The following GRM8 variants were observed in gnomAD, a reference collection of about 807,000 sequenced individuals.
GRM8 encodes the protein metabotropic glutamate receptor 8.
GRM8 carries 47 observed loss-of-function variants against 87.2 expected under a neutral mutation model. The ratio of observed to expected loss-of-function variants is 0.54; its 90% CI spans 0.43 to 0.69. The LOEUF (loss-of-function observed/expected upper bound fraction) is 0.69. Among genes scored for constraint, GRM8 ranks in the 30% least tolerant of loss-of-function variants. GRM8 has a pLI of 0.00. For synonymous variants in GRM8, 396 were observed against 404.5 expected (o/e 0.98, Z 0.25); for missense variants, 1,019 against 1,139.2 (o/e 0.89, Z 1.52).
intron 7 of GRM8, among the ~76,000 whole-genome samples, chr7:126,623,591 C>T (rs1473498297): frequency 6.6e-6 from 1 of 152,176 alleles, no homozygotes; most frequent in Non-Finnish European, 1.5e-5. Flanking sequence ...ACTCCATTCA[C>T]TGGGGATGAA....
rs1171265465 is a variant in GRM8, at chr7:127,079,988, T to C, written c.727+26508A>G. On this transcript the variant is annotated intron_variant, in intron 3 of 10. Transcript: ENST00000339582. ...ACAGAAAAACAGCCCCATAAAGACA[T>C]CCACATTCTAATCTCTGGAACCTGT... 3.9e-5 allele frequency among the ~76,000 whole-genome samples: 6 copies of C among 152,210 alleles called. No homozygotes were observed. In the East Asian group the frequency reaches 1.2e-3, roughly 29 times the overall value.
intron 9 of GRM8, 82 bp downstream of exon 9, chr7:126,532,870 A>C (rs1815072975): frequency 1.3e-6 from 1 of 744,948 alleles, no homozygotes; most frequent in Admixed American, 2.6e-5. Context: ...ATATAAGTGA[A>C]CCAAATAAAA....
intron 3 of GRM8, among the ~76,000 whole-genome samples, chr7:126,977,187 A>G (rs1193549557): frequency 6.6e-6 from 1 of 152,226 alleles, no homozygotes; most frequent in Admixed American, 6.5e-5. Context: ...AAAATACAAG[A>G]AAAACCTTCA....
At chr7:126,962,138 C>A (rs563106719) in intron 3 of GRM8, among the ~76,000 whole-genome samples, 1 of 152,292 alleles carries the variant, frequency 6.6e-6, no homozygotes, top group South Asian at 2.1e-4. Context: ...GAATGCTTTT[C>A]AACCTTGTAA....
intron 5 of GRM8, among the ~76,000 whole-genome samples, chr7:126,903,655 G>GTA (rs72063013): frequency 2.0e-5 from 2 of 101,686 alleles, no homozygotes; most frequent in Non-Finnish European, 4.0e-5. Context: ...AGGTATATGT[G>GTA]TATATATATA....
chr7:127,137,805 G>T (rs146317761), intron 2 of GRM8, among the ~76,000 whole-genome samples: 1 of 152,148 alleles, frequency 6.6e-6, no homozygotes, highest in Admixed American at 6.5e-5. Flanking sequence ...TGGGTAAAAA[G>T]TTAAATAACA....
At position 126,533,730 on chromosome 7, in the gene GRM8, A is replaced by T. The variant is rs1347546109; in HGVS notation, c.1652T>A (p.Leu551Gln). ...CEGYNYQVDE[L>Q]SCELCPLDQR... is the part of the protein sequence containing the mutation. ...ATCCAGAGGGCAAAGTTCACAGGAC[A>T]GCTCATCCACCTGGTAGTTGTAACC... The change falls in exon 9 of 11, where the codon CTG becomes CAG. Residue 551 changes from leucine (L) to glutamine (Q), a missense_variant. By Grantham distance (113) the Leu-to-Gln change is moderately radical (BLOSUM62 -2). Coordinates refer to ENST00000339582, the MANE Select transcript of GRM8 (RefSeq NM_000845.3). 1.9e-6 allele frequency: 3 copies of T among 1,614,116 alleles called. No homozygotes were observed. Among genetic ancestry groups the T allele is most frequent in the Non-Finnish European group, 2.5e-6 (3 of 1,180,010 alleles).
chr7:126,857,887 T>C lies in GRM8; in HGVS notation c.1156+44655A>G, dbSNP rs936632731. The stretch of plus-strand genomic sequence containing the variant: ...TCTCTTGAGCCCAGAAGTTCAAGGC[T>C]GCAGTGAGCTACAATCCTGCCACTA... On this transcript the variant is annotated intron_variant, in intron 6 of 10. Coordinates refer to ENST00000339582, the MANE Select transcript of GRM8 (RefSeq NM_000845.3). Among the ~76,000 whole-genome samples, 3 of 152,230 alleles carry C rather than the reference T, an allele frequency of 2.0e-5. No individual in the cohort carries two copies. In the East Asian group the frequency reaches 5.8e-4, roughly 29 times the overall value.
intron 7 of GRM8, among the ~76,000 whole-genome samples, chr7:126,763,472 T>TATATATATATATATAC (rs1479649712): frequency 1.3e-5 from 1 of 78,348 alleles, no homozygotes; most frequent in Non-Finnish European, 2.5e-5. Context: ...TATATATATA[T>TATATATATATATATAC]ACACACACAC....
At chr7:126,671,258 C>T (rs189049551) in intron 7 of GRM8, among the ~76,000 whole-genome samples, 222 of 152,266 alleles carry the variant, frequency 1.5e-3, no homozygotes, top group African/African-American at 4.5e-3. Flanking sequence ...ACCCAACTCA[C>T]GGGTATTTGA....
intron 2 of GRM8, among the ~76,000 whole-genome samples, chr7:127,190,021 G>C (rs1275478285): frequency 6.6e-6 from 1 of 152,226 alleles, no homozygotes; most frequent in Admixed American, 6.5e-5. Flanking sequence ...CTGAGGGCTG[G>C]CTAGATGGCT....
In GRM8 at chr7:126,533,548, G is replaced by C; in HGVS notation, c.1834C>G (p.Pro612Ala). ...TCGCGTCCTGAAGCCCTCACGATAG[G>C]TGTGTCATTATAGCGGACAAAGGTC... ...IVTFVRYNDT[P>A]IVRASGRELS... The change falls in exon 9 of 11, where the codon CCT (proline) becomes GCT (alanine). Residue 612 changes from proline (P) to alanine (A), a missense_variant. Coordinates refer to ENST00000339582, the MANE Select transcript of GRM8 (RefSeq NM_000845.3). The C allele has an allele frequency of 6.2e-7, 1 of 1,614,030 alleles. No homozygotes were observed. The highest frequency in any genetic ancestry group is 8.5e-7 in the Non-Finnish European group (1 of 1,179,944).
intron 3 of GRM8, among the ~76,000 whole-genome samples, chr7:126,974,190 A>G (rs2131801221): frequency 6.6e-6 from 1 of 152,344 alleles, no homozygotes; most frequent in East Asian, 1.9e-4. Flanking sequence ...CAGATATCTC[A>G]CTATGTATGT....
intron 3 of GRM8, among the ~76,000 whole-genome samples, chr7:127,036,821 C>A (rs1383982008): frequency 1.3e-5 from 2 of 152,158 alleles, no homozygotes; most frequent in South Asian, 4.1e-4. Flanking sequence ...GTCTTTTCTT[C>A]TGGATCCTAC....
At position 127,127,804 on chromosome 7, in the gene GRM8, T is replaced by A. The variant is rs187259949; in HGVS notation, c.511-21092A>T. Among the ~76,000 whole-genome samples the A allele has an allele frequency of 5.3e-5, 8 of 152,226 alleles. No homozygotes were observed. In the East Asian group the frequency reaches 7.7e-4, roughly 15 times the overall value. Reference sequence around the variant, plus strand: ...AGTTATTATTTAATAAAGATTTTTTTAAATAATCAATGCCTGGTCTCTCCT... The same window carrying A: ...AGTTATTATTTAATAAAGATTTTTTAAAATAATCAATGCCTGGTCTCTCCT... On this transcript the variant is annotated intron_variant, in intron 2 of 10. Transcript: ENST00000339582.
chr7:126,476,592 T>C (rs1345723959), intron 9 of GRM8, among the ~76,000 whole-genome samples: 3 of 152,072 alleles, frequency 2.0e-5, no homozygotes, highest in Non-Finnish European at 2.9e-5. Context: ...AGGACCTGAA[T>C]AGACATTTTT....
intron 6 of GRM8, among the ~76,000 whole-genome samples, chr7:126,882,643 T>C (rs927171784): frequency 8.5e-5 from 13 of 152,176 alleles, no homozygotes; most frequent in African/African-American, 2.4e-4. Context: ...GAAAAATAGA[T>C]AGATACACAC....
chr7:126,898,415 A>C (rs1293870860), intron 6 of GRM8, among the ~76,000 whole-genome samples: 1 of 152,196 alleles, frequency 6.6e-6, no homozygotes, highest in Non-Finnish European at 1.5e-5. Flanking sequence ...CTTTTTTAAA[A>C]AATTAAATTA....
intron 9 of GRM8, among the ~76,000 whole-genome samples, chr7:126,456,284 C>A (rs1390829231): frequency 6.6e-6 from 1 of 151,330 alleles, no homozygotes; most frequent in African/African-American, 2.4e-5. Context: ...CTCTCCACTG[C>A]CTCTTATTCC....
Sources: gnomAD v4.1 joint callset for allele counts (sites outside exome capture counted in the v4.1 genomes callset) on GRCh38, gnomAD v4.1.1 for gene constraint, MANE v1.5 for transcripts, NCBI Gene and HGNC (gene_info 2026-07-23, HGNC 2026-07-21) for gene names.